FGF14: variants seen among roughly 807,000 people sequenced by gnomAD.
FGF14 encodes fibroblast growth factor 14.
A neutral mutation model predicts 25.5 loss-of-function variants in FGF14; 5 were observed. The observed-to-expected ratio is 0.20, with a 90% CI of 0.10 to 0.41. The LOEUF (loss-of-function observed/expected upper bound fraction) is 0.41. FGF14 is among the 10% of genes least tolerant of loss of function. FGF14 has a pLI of 1.00. For synonymous variants in FGF14, 138 were observed against 118.3 expected (o/e 1.17, Z -1.08); for missense variants, 222 against 320.1 (o/e 0.69, Z 2.34).
At chr13:102,004,347 G>A (rs1321555320) in intron 1 of FGF14, among the ~76,000 whole-genome samples, 2 of 152,138 alleles carry the variant, frequency 1.3e-5, no homozygotes, top group East Asian at 1.9e-4. Flanking sequence ...GACAACAGCT[G>A]TTTCATCAGA....
chr13:102,135,068 C>T (rs1442551953), intron 1 of FGF14, among the ~76,000 whole-genome samples: 1 of 150,120 alleles, frequency 6.7e-6, no homozygotes, highest in Non-Finnish European at 1.5e-5. Flanking sequence ...CACAAATCCG[C>T]GTGGTGGTGT....
In FGF14 at chr13:101,722,882, C is replaced by A. The variant is rs34397704; in HGVS notation, c.693G>T (p.Ala231=). Residue 231 remains alanine, a synonymous_variant, in exon 5 of 5, where the codon GCG becomes GCT. Transcript: ENST00000376143. Reference sequence around the variant, plus strand: ...GTTTGCCTCCATTCATTATTGCAGACGCACTTGTGCTTTTACTTGGCGTCA... The same window carrying A: ...GTTTGCCTCCATTCATTATTGCAGAAGCACTTGTGCTTTTACTTGGCGTCA... The part of the protein sequence containing the change: ...PGVTPSKSTS[A]SAIMNGGKPV... The A allele has an allele frequency of 4.9e-5, 79 of 1,613,216 alleles. No individual in the cohort carries two copies. The highest frequency in any genetic ancestry group is 5.9e-5 in the Non-Finnish European group (70 of 1,179,588).
intron 1 of FGF14, among the ~76,000 whole-genome samples, chr13:102,158,673 A>T (rs1364688489): frequency 6.6e-6 from 1 of 150,470 alleles, no homozygotes; most frequent in Admixed American, 6.6e-5. Flanking sequence ...AGTATAATAA[A>T]AAAAAAAATC....
chr13:101,981,316 C>T (rs2038248174), intron 1 of FGF14, among the ~76,000 whole-genome samples: 1 of 152,014 alleles, frequency 6.6e-6, no homozygotes, highest in Non-Finnish European at 1.5e-5. Context: ...AGTAAGCTGC[C>T]TTGCCCCTTC....
chr13:101,838,686 A>T (rs1257866858), intron 3 of FGF14, among the ~76,000 whole-genome samples: 3 of 152,046 alleles, frequency 2.0e-5, no homozygotes, highest in Non-Finnish European at 4.4e-5. Flanking sequence ...TCCTCATGTA[A>T]ATAAACATTG....
At chr13:101,926,014 C>T (rs1490208436) in intron 1 of FGF14, among the ~76,000 whole-genome samples, 3 of 152,190 alleles carry the variant, frequency 2.0e-5, no homozygotes, top group Non-Finnish European at 4.4e-5. Context: ...CTGCCTCCCT[C>T]TTCAAGATCC....
Position 102,373,043 on chromosome 13 carries a change from T to C in FGF14, c.208+28428A>G, listed in dbSNP as rs910401758. ...GAACTACTTAAATATTTATCAGTGATGTTATATATTGACTTTTCGTACCCA... is the reference window on the plus strand; with the variant it reads ...GAACTACTTAAATATTTATCAGTGACGTTATATATTGACTTTTCGTACCCA... On this transcript the variant is annotated intron_variant, in intron 1 of 4. Transcript: ENST00000376131. Among the ~76,000 whole-genome samples the C allele has an allele frequency of 7.9e-5, 12 of 152,228 alleles. No individual in the cohort carries two copies. In the East Asian group the frequency reaches 2.3e-3, roughly 29 times the overall value.
At chr13:102,369,239 G>A (rs1395313651) in intron 1 of FGF14, among the ~76,000 whole-genome samples, 1 of 152,134 alleles carries the variant, frequency 6.6e-6, no homozygotes, top group Non-Finnish European at 1.5e-5. Context: ...TCATTGAAGG[G>A]CTCCCAGCAA....
At chr13:102,047,572 C>T (rs527318615) in intron 1 of FGF14, among the ~76,000 whole-genome samples, 2 of 152,014 alleles carry the variant, frequency 1.3e-5, no homozygotes, top group Non-Finnish European at 2.9e-5. Flanking sequence ...AGCAAACTAT[C>T]GCAAGGACAA....
At position 101,719,230 on chromosome 13, in the gene FGF14, A is replaced by G. The variant is rs1438690720; in HGVS notation, c.*3601T>C. On this transcript the variant is annotated 3_prime_UTR_variant, in exon 5 of 5. Coordinates refer to ENST00000376143, the MANE Select transcript of FGF14 (RefSeq NM_004115.4). ...TTGCTTTTAAAGACAACCAAATCTGATATTGTTCATCCTGATAAAAATAAC... is the reference window on the plus strand; with the variant it reads ...TTGCTTTTAAAGACAACCAAATCTGGTATTGTTCATCCTGATAAAAATAAC... 1 of 152,126 alleles carries G rather than the reference A, an allele frequency of 6.6e-6. No individual in the cohort carries two copies. Among genetic ancestry groups the G allele is most frequent in the African/African-American group, 2.4e-5 (1 of 41,436 alleles). 9.4% of individuals were successfully genotyped at this position (152,126 alleles called of 1,614,324 possible). A position where few individuals can be genotyped will look rare whatever the true frequency, so the allele number is the denominator to read the frequency against.
At chr13:102,074,463 A>C (rs2043279920) in intron 1 of FGF14, among the ~76,000 whole-genome samples, 1 of 152,212 alleles carries the variant, frequency 6.6e-6, no homozygotes, top group South Asian at 2.1e-4. Flanking sequence ...TCATTAAACA[A>C]GTTTTGAATT....
At chr13:102,050,689 G>T (rs989818933) in intron 1 of FGF14, among the ~76,000 whole-genome samples, 4 of 151,940 alleles carry the variant, frequency 2.6e-5, no homozygotes, top group African/African-American at 9.7e-5. Flanking sequence ...CACACAAAAA[G>T]AAAAAGCGCA....
chr13:102,129,575 C>A (rs1267596611), intron 1 of FGF14, among the ~76,000 whole-genome samples: 1 of 151,988 alleles, frequency 6.6e-6, no homozygotes, highest in Non-Finnish European at 1.5e-5. Context: ...CAATTCCTTA[C>A]AATGTGTACA....
intron 1 of FGF14, among the ~76,000 whole-genome samples, chr13:102,223,541 C>G (rs1193109452): frequency 6.6e-6 from 1 of 152,080 alleles, no homozygotes; most frequent in Non-Finnish European, 1.5e-5. Flanking sequence ...CTGCTTTTTT[C>G]CTCTGCATGG....
intron 3 of FGF14, among the ~76,000 whole-genome samples, chr13:101,729,985 C>T (rs1375865140): frequency 1.3e-5 from 2 of 152,070 alleles, no homozygotes; most frequent in African/African-American, 2.4e-5. Context: ...ATTTGGAGAA[C>T]TGTAAATAGT....
intron 1 of FGF14, chr13:102,292,289 A>AC (rs1594751695): frequency 2.0e-5 from 3 of 150,274 alleles, no homozygotes; most frequent in Non-Finnish European, 3.0e-5. Context: ...AAAAAAAAAA[A>AC]AAAAAAAAAA....
intron 1 of FGF14, among the ~76,000 whole-genome samples, chr13:102,187,756 T>C (rs974878127): frequency 9.2e-5 from 14 of 152,146 alleles, no homozygotes; most frequent in Non-Finnish European, 1.3e-4. Context: ...ATAGTTACAG[T>C]TGGTTGTGTG....
chr13:102,250,685 T>G (rs947585813), intron 1 of FGF14, among the ~76,000 whole-genome samples: 1 of 152,218 alleles, frequency 6.6e-6, no homozygotes, highest in Non-Finnish European at 1.5e-5. Context: ...CCAAATTTAT[T>G]TAAAGAGACA....
At position 101,712,596 on chromosome 13, in the gene FGF14, A is replaced by G. The variant is rs2034521373; in HGVS notation, c.*10235T>C. ...TAAAATCAGCACTACTTTAGAAACA[A>G]CTAAAGACAGCCAAATACTTCAAAT... On this transcript the variant is annotated 3_prime_UTR_variant, in exon 5 of 5. Coordinates refer to ENST00000376143, the MANE Select transcript of FGF14 (RefSeq NM_004115.4). The G allele has an allele frequency of 6.6e-6, 1 of 152,230 alleles. No homozygotes were observed. The highest frequency in any genetic ancestry group is 2.4e-5 in the African/African-American group (1 of 41,444). 9.4% of individuals were successfully genotyped at this position (152,230 alleles called of 1,614,324 possible). A position where few individuals can be genotyped will look rare whatever the true frequency, so the allele number is the denominator to read the frequency against.
Sources: gnomAD v4.1 joint callset for allele counts (sites outside exome capture counted in the v4.1 genomes callset) on GRCh38, gnomAD v4.1.1 for gene constraint, MANE v1.5 for transcripts, NCBI Gene and HGNC (gene_info 2026-07-23, HGNC 2026-07-21) for gene names.